PTPRN2: variants seen among roughly 807,000 people sequenced by gnomAD.
PTPRN2 encodes the protein receptor-type tyrosine-protein phosphatase N2.
In PTPRN2, 74 loss-of-function variants were observed where a neutral mutation model predicts 118.8. That is an observed-to-expected ratio of 0.62 (90% CI 0.52 to 0.76). PTPRN2 has a LOEUF of 0.76. Among genes scored for constraint, PTPRN2 ranks in the 30% least tolerant of loss-of-function variants. The pLI, the probability that PTPRN2 is intolerant of heterozygous loss-of-function variation, is 0.00. For missense variants in PTPRN2, 1,481 were observed against 1,394.4 expected, an observed-to-expected ratio of 1.06 and a Z score of -0.99; for synonymous variants, 641 against 608.0, an observed-to-expected ratio of 1.05 and a Z score of -0.80.
At chr7:157,775,336 C>T (rs577529745) in intron 12 of PTPRN2, among the ~76,000 whole-genome samples, 1 of 152,242 alleles carries the variant, frequency 6.6e-6, no homozygotes, top group Admixed American at 6.5e-5. Flanking sequence ...AGTGGCCAGG[C>T]TACCTCACCT....
In PTPRN2 at chr7:158,193,540, C is replaced by T. The variant is rs6967760; in HGVS notation, c.381-1045G>A. Among the ~76,000 whole-genome samples, 1,301 of 151,998 alleles carry T rather than the reference C, an allele frequency of 8.6e-3. 21 individuals carry two copies. Among genetic ancestry groups the T allele is most frequent in the African/African-American group, 0.03 (1,230 of 41,540 alleles). ...GGCCTGGGCATGCACAGAGGATGTC[C>T]GTGGCCCCCTGAGCCTGCGCCCTGT... On this transcript the variant is annotated intron_variant, in intron 4 of 22. Coordinates refer to ENST00000389418, the MANE Select transcript of PTPRN2 (RefSeq NM_002847.5).
Position 158,098,090 on chromosome 7 carries a change from C to T in PTPRN2, c.1643+12739G>A, listed in dbSNP as rs116239300. ...AGTGTGTGCCCGTGGCTGCTGGGCC[C>T]GGGTGAGGCACAGGACGTGGAAGTA... On this transcript the variant is annotated intron_variant, in intron 10 of 22. Transcript: ENST00000389418. Among the ~76,000 whole-genome samples the T allele has an allele frequency of 4.7e-3, 722 of 152,292 alleles. 6 individuals are homozygous for T. The highest frequency in any genetic ancestry group is 0.016 in the African/African-American group (685 of 41,558).
chr7:158,080,579 T>TAAAAAAAAAAAAAA (rs372522598), intron 11 of PTPRN2, among the ~76,000 whole-genome samples: 1 of 141,866 alleles, frequency 7.0e-6, no homozygotes, highest in Non-Finnish European at 1.5e-5. Flanking sequence ...TCAACAAGTT[T>TAAAAAAAAAAAAAA]AAAAAAAAAA....
At position 158,171,328 on chromosome 7, in the gene PTPRN2, T is replaced by C. The variant is rs1357717821; in HGVS notation, c.550-4037A>G. On this transcript the variant is annotated intron_variant, in intron 5 of 22. Transcript: ENST00000389418. ...ACACACATATATATATATATATATA[T>C]ATATATATATATATATATATACACA... Among the ~76,000 whole-genome samples the C allele has an allele frequency of 4.0e-3, 499 of 124,262 alleles. 29 individuals are homozygous for C. The highest frequency in any genetic ancestry group is 0.016 in the East Asian group (71 of 4,428). 81.5% of individuals were successfully genotyped at this position (124,262 alleles called of 152,430 possible).
At chr7:158,155,758 C>CAACACT (rs1563530032) in intron 6 of PTPRN2, among the ~76,000 whole-genome samples, 100 of 137,414 alleles carry the variant, frequency 7.3e-4, no homozygotes, top group Middle Eastern at 3.8e-3. Context: ...CCATCACCAT[C>CAACACT]ATCATCACCA....
At chr7:158,429,946 C>T (rs1177460243) in intron 2 of PTPRN2, among the ~76,000 whole-genome samples, 2 of 152,140 alleles carry the variant, frequency 1.3e-5, no homozygotes, top group Admixed American at 1.3e-4. Flanking sequence ...CTCGCTCTGT[C>T]GTCCAGGCTG....
In PTPRN2 at chr7:157,879,409, G is replaced by A. The variant is rs576075571; in HGVS notation, c.1788+19264C>T. ...CACACACACACTCGTGCACGCACAC[G>A]TGCACGCACACACACACAGAGCAAC... On this transcript the variant is annotated intron_variant, in intron 12 of 22. Transcript: ENST00000389418. Among the ~76,000 whole-genome samples the A allele has an allele frequency of 8.6e-5, 13 of 151,404 alleles. No individual in the cohort carries two copies. The East Asian group carries it at 1.5e-3, about 18-fold the overall frequency.
In PTPRN2 at chr7:158,526,916, C is replaced by G. The variant is rs1824823269; in HGVS notation, c.113-37131G>C. On this transcript the variant is annotated intron_variant, in intron 1 of 22. Transcript: ENST00000389418. This position sits in a 1 kb window ranked among gnomAD's most constrained non-coding sequence, Gnocchi z 5.2. The stretch of plus-strand genomic sequence containing the variant: ...GTGGGGGTTTGTTAGGGAGACTGAG[C>G]CAATTCATACAGTGGATTCCGCCAC... Among the ~76,000 whole-genome samples, 1 of 152,116 alleles carries G rather than the reference C, an allele frequency of 6.6e-6. No homozygotes were observed. Among genetic ancestry groups the G allele is most frequent in the South Asian group, 2.1e-4 (1 of 4,820 alleles).
At chr7:158,008,199 G>T (rs188228956) in intron 11 of PTPRN2, among the ~76,000 whole-genome samples, 2 of 151,936 alleles carry the variant, frequency 1.3e-5, no homozygotes, top group African/African-American at 4.8e-5. Flanking sequence ...TATGTGTGTG[G>T]GCATGTGCAT....
chr7:158,097,969 T>G (rs1814779165), intron 10 of PTPRN2, among the ~76,000 whole-genome samples: 1 of 152,108 alleles, frequency 6.6e-6, no homozygotes, highest in Admixed American at 6.5e-5. Context: ...CAGCACCGCG[T>G]GGCCGTGTCT....
intron 10 of PTPRN2, among the ~76,000 whole-genome samples, chr7:158,083,934 T>C (rs66720666): frequency 0.81 from 122,759 of 151,956 alleles, 50,922 homozygotes; most frequent in East Asian, 0.99. Context: ...AACTTGAATA[T>C]GTGCAGGCTC....
chr7:158,334,623 G>C (rs1156861389), intron 2 of PTPRN2, among the ~76,000 whole-genome samples: 5 of 102,874 alleles, frequency 4.9e-5, no homozygotes, highest in African/African-American at 1.7e-4. Context: ...GACGCCCGCA[G>C]ACGTCACTCA....
intron 11 of PTPRN2, among the ~76,000 whole-genome samples, chr7:157,931,590 C>T (rs1490235279): frequency 6.6e-6 from 1 of 152,188 alleles, no homozygotes; most frequent in Non-Finnish European, 1.5e-5. Flanking sequence ...AACTGTTTCA[C>T]AAGCCTCTGG....
chr7:158,248,867 CCA>C (rs1351527496), intron 3 of PTPRN2, among the ~76,000 whole-genome samples: 3 of 12,988 alleles, frequency 2.3e-4, no homozygotes, highest in African/African-American at 1.0e-3. Context: ...CATGCACACA[CCA>C]CACATATGCA....
rs148609876 is a variant in PTPRN2, at chr7:157,630,664, C to T, written c.2197-9155G>A. ...AGGCACAGGCCCATGGCAGCCAACT[C>T]GAAGTGTGCCTGCATGCCAGGGTGG... On this transcript the variant is annotated intron_variant, in intron 14 of 22. Transcript: ENST00000389418. 2.2e-3 allele frequency among the ~76,000 whole-genome samples: 329 copies of T among 152,304 alleles called. 1 individual carries two copies. Among genetic ancestry groups the T allele is most frequent in the African/African-American group, 7.4e-3 (309 of 41,558 alleles).
chr7:158,192,350 C>T lies in PTPRN2; in HGVS notation c.526G>A (p.Ala176Thr), dbSNP rs1475283861. 6.6e-7 allele frequency: 1 copy of T among 1,511,160 alleles called. No homozygotes were observed. The highest frequency in any genetic ancestry group is 1.5e-5 in the African/African-American group (1 of 68,140). 93.6% of individuals were successfully genotyped at this position (1,511,160 alleles called of 1,614,324 possible). A position where few individuals can be genotyped will look rare whatever the true frequency, so the allele number is the denominator to read the frequency against. ...ASDVLARTHT[A>T]QDRPPAEGDD... ...ACCTCAGCGGGGGGTCTGTCCTGCGCCGTATGGGTCCTGGCGAGCACGTCT... is the reference window on the plus strand; with the variant it reads ...ACCTCAGCGGGGGGTCTGTCCTGCGTCGTATGGGTCCTGGCGAGCACGTCT... Residue 176 changes from alanine (A) to threonine (T), a missense_variant, in exon 5 of 23, where the codon GCG becomes ACG. Ala to Thr is a moderately conservative substitution (Grantham distance 58). Transcript: ENST00000389418.
chr7:158,211,604 C>T (rs557799182), intron 3 of PTPRN2, among the ~76,000 whole-genome samples: 2 of 152,050 alleles, frequency 1.3e-5, no homozygotes, highest in Non-Finnish European at 2.9e-5. Context: ...GGCAAACAGG[C>T]GTATGAAAAG....
chr7:158,002,899 G>C (rs1045973329), intron 11 of PTPRN2, among the ~76,000 whole-genome samples: 1 of 152,212 alleles, frequency 6.6e-6, no homozygotes, highest in Admixed American at 6.5e-5. Context: ...GATCTCATCT[G>C]TGGAACTCCT....
intron 10 of PTPRN2, among the ~76,000 whole-genome samples, chr7:158,102,356 G>A (rs1258933997): frequency 2.0e-5 from 3 of 152,192 alleles, no homozygotes; most frequent in African/African-American, 4.8e-5. Flanking sequence ...TCTTGTGACT[G>A]CCTGCCCTCT....
Sources: gnomAD v4.1 joint callset for allele counts (sites outside exome capture counted in the v4.1 genomes callset) on GRCh38, gnomAD v4.1.1 for gene constraint, Gnocchi (gnomAD v3.1) non-coding constraint, MANE v1.5 for transcripts, NCBI Gene and HGNC (gene_info 2026-07-23, HGNC 2026-07-21) for gene names.